IKZF1: variants seen among roughly 807,000 people sequenced by gnomAD.
IKZF1 encodes IKAROS family zinc finger 1, also known as DNA-binding protein Ikaros.
A neutral mutation model predicts 51.7 loss-of-function variants in IKZF1; 10 were observed. The ratio of observed to expected loss-of-function variants is 0.19; its 90% CI spans 0.12 to 0.33. IKZF1 has a LOEUF of 0.33. Ranked by LOEUF, IKZF1 falls within the 10% of genes least tolerant of loss-of-function variation. The probability of loss-of-function intolerance (pLI) is 1.00; values close to 1 mark genes in which losing one functional copy is unlikely to be tolerated. For synonymous variants in IKZF1, 280 were observed against 282.3 expected (o/e 0.99, Z 0.08); for missense variants, 484 against 707.5 (o/e 0.68, Z 3.58).
chr7:50,310,009 C>T (rs145741807), intron 1 of IKZF1, among the ~76,000 whole-genome samples: 14 of 152,216 alleles, frequency 9.2e-5, no homozygotes, highest in East Asian at 3.9e-4. Flanking sequence ...CTGAGTTTTG[C>T]GTAGGGCAGA....
intron 3 of IKZF1, among the ~76,000 whole-genome samples, chr7:50,363,677 C>G (rs1805943190): frequency 6.6e-6 from 1 of 152,230 alleles, no homozygotes; most frequent in African/African-American, 2.4e-5. Context: ...TGAGAAGACT[C>G]TGAGCCTCCT....
chr7:50,400,785 T>G lies in IKZF1; in HGVS notation c.*158T>G. 1 of 967,112 alleles carries G rather than the reference T, an allele frequency of 1.0e-6. No homozygotes were observed. Among genetic ancestry groups the G allele is most frequent in the Non-Finnish European group, 1.5e-6 (1 of 668,024 alleles). The allele number at this position is 967,112 out of a possible 1,614,324, so 59.9% of individuals were successfully genotyped here. A position where few individuals can be genotyped will look rare whatever the true frequency, so the allele number is the denominator to read the frequency against. ...TTTGTTTTTTGTTTGAGTTGGTTGA[T>G]TGGGGTTTGATTTGCTTTTGAAAAG... On this transcript the variant is annotated 3_prime_UTR_variant, in exon 8 of 8. Transcript: ENST00000331340. The surrounding 1 kb of genome is among the most constrained non-coding windows in gnomAD (Gnocchi z 5.4).
intron 7 of IKZF1, among the ~76,000 whole-genome samples, chr7:50,393,365 TG>T (rs1815742929): frequency 6.6e-6 from 1 of 151,562 alleles, no homozygotes; most frequent in South Asian, 2.1e-4. Flanking sequence ...GGGAGAGAGG[TG>T]GGGCCAGAAC....
chr7:50,403,716 T>C lies in IKZF1; in HGVS notation c.*3089T>C, dbSNP rs189098947. 9.1e-4 allele frequency: 209 copies of C among 228,964 alleles called. 1 individual carries two copies. Among genetic ancestry groups the C allele is most frequent in the African/African-American group, 4.2e-3 (189 of 45,156 alleles). The allele number at this position is 228,964 out of a possible 1,614,324, so 14.2% of individuals were successfully genotyped here. A position where few individuals can be genotyped will look rare whatever the true frequency, so the allele number is the denominator to read the frequency against. ...ATACCAGCATGTTCCATTTCCAATT[T>C]AGAATTAGCCACATAATAAAATCTT... On this transcript the variant is annotated 3_prime_UTR_variant, in exon 8 of 8. Coordinates refer to ENST00000331340, the MANE Select transcript of IKZF1 (RefSeq NM_006060.6).
intron 2 of IKZF1, among the ~76,000 whole-genome samples, chr7:50,323,890 A>C (rs1794113249): frequency 2.6e-5 from 4 of 152,186 alleles, no homozygotes; most frequent in Admixed American, 2.6e-4. Context: ...GGATAGACCA[A>C]AATCATGCTT....
chr7:50,378,403 A>C (rs975135144), intron 4 of IKZF1, among the ~76,000 whole-genome samples: 1 of 152,204 alleles, frequency 6.6e-6, no homozygotes, highest in Non-Finnish European at 1.5e-5. Flanking sequence ...GGAAATTAAC[A>C]TGAAGGTAGG....
intron 2 of IKZF1, among the ~76,000 whole-genome samples, chr7:50,321,345 T>C (rs1301063050): frequency 6.6e-6 from 1 of 152,246 alleles, no homozygotes; most frequent in East Asian, 1.9e-4. Context: ...AGCCTCTCAT[T>C]TGGCTTCGCC....
At chr7:50,329,394 G>A (rs1334599613) in intron 3 of IKZF1, among the ~76,000 whole-genome samples, 1 of 152,302 alleles carries the variant, frequency 6.6e-6, no homozygotes, top group African/African-American at 2.4e-5. Flanking sequence ...GTTTTCCAAA[G>A]TTGGGATGCA....
chr7:50,373,351 T>C (rs1276728421), intron 3 of IKZF1, among the ~76,000 whole-genome samples: 1 of 152,196 alleles, frequency 6.6e-6, no homozygotes, highest in Non-Finnish European at 1.5e-5. Context: ...TTCTTAATGA[T>C]CCAGAAGAAC....
chr7:50,320,236 GA>G (rs1792819213), intron 2 of IKZF1, among the ~76,000 whole-genome samples: 2 of 152,022 alleles, frequency 1.3e-5, no homozygotes, highest in South Asian at 4.2e-4. Flanking sequence ...TCATGAATGA[GA>G]ATTATATAAT....
In IKZF1 at chr7:50,327,673, G is replaced by A. The variant is rs938596544; in HGVS notation, c.76G>A (p.Glu26Lys). ...CCCCCCTGTAAGCGATACTCCAGAT[G>A]AGGGCGATGAGCCCATGCCGATCCC... ...ESPPVSDTPDEGDEPMPIPED... is the reference protein window; with the variant it reads ...ESPPVSDTPDKGDEPMPIPED... Residue 26 changes from glutamate to lysine, a missense_variant, in exon 3 of 8, where the codon GAG (glutamate) becomes AAG (lysine). Physicochemically the swap from Glu to Lys is moderately conservative, Grantham distance 56. Around this residue, in one of 6 missense-constraint regions of IKZF1, gnomAD observed 118 missense variants for 138.4 expected, o/e 0.85. Transcript: ENST00000331340. 2 of 1,613,568 alleles carry A rather than the reference G, an allele frequency of 1.2e-6. No homozygotes were observed. Among genetic ancestry groups the A allele is most frequent in the Non-Finnish European group, 1.7e-6 (2 of 1,179,744 alleles).
At chr7:50,342,882 G>T (rs1190849099) in intron 3 of IKZF1, among the ~76,000 whole-genome samples, 1 of 152,150 alleles carries the variant, frequency 6.6e-6, no homozygotes, top group African/African-American at 2.4e-5. Context: ...CTCCTGTGGC[G>T]GCTGCATTTC....
chr7:50,357,974 G>A (rs1056507794), intron 3 of IKZF1, among the ~76,000 whole-genome samples: 1 of 152,120 alleles, frequency 6.6e-6, no homozygotes, highest in Non-Finnish European at 1.5e-5. Flanking sequence ...CTGCTTCAAG[G>A]GTTAACAAAG....
At chr7:50,320,606 A>C (rs1443040384) in intron 2 of IKZF1, among the ~76,000 whole-genome samples, 1 of 152,138 alleles carries the variant, frequency 6.6e-6, no homozygotes, top group Non-Finnish European at 1.5e-5. Flanking sequence ...TCCAGCCTCT[A>C]TTAGCCTCTG....
chr7:50,367,315 C>CGTGT (rs143406270), intron 3 of IKZF1, among the ~76,000 whole-genome samples: 17 of 150,468 alleles, frequency 1.1e-4, no homozygotes, highest in Non-Finnish European at 1.6e-4. Flanking sequence ...AAAGATTGTG[C>CGTGT]GTGTGTGTGT....
intron 3 of IKZF1, among the ~76,000 whole-genome samples, chr7:50,351,437 A>T (rs572394221): frequency 1.1e-4 from 16 of 152,282 alleles, no homozygotes; most frequent in African/African-American, 3.9e-4. Flanking sequence ...TGTTTCCTCC[A>T]TATCTACTTT....
chr7:50,316,127 G>A (rs753130729), intron 1 of IKZF1, among the ~76,000 whole-genome samples: 4 of 152,190 alleles, frequency 2.6e-5, no homozygotes, highest in Admixed American at 6.5e-5. Flanking sequence ...CAAGTTTGGA[G>A]TTTGGGGAAG....
intron 1 of IKZF1, among the ~76,000 whole-genome samples, chr7:50,309,454 T>A (rs2153330877): frequency 6.6e-6 from 1 of 152,288 alleles, no homozygotes; most frequent in East Asian, 1.9e-4. Flanking sequence ...TTCCTGTCCT[T>A]CCCTTCCCTT....
chr7:50,384,680 G>T (rs1812862229), intron 5 of IKZF1, among the ~76,000 whole-genome samples: 1 of 152,256 alleles, frequency 6.6e-6, no homozygotes, highest in Non-Finnish European at 1.5e-5. Context: ...GCCCATGGAG[G>T]CCTCAGCTAA....
Sources: allele counts gnomAD v4.1 joint callset (sites outside exome capture counted in the v4.1 genomes callset), GRCh38; gene constraint gnomAD v4.1.1; regional missense constraint gnomAD v4.1.1; non-coding constraint Gnocchi (gnomAD v3.1); transcripts MANE v1.5; gene names NCBI Gene and HGNC (gene_info 2026-07-23, HGNC 2026-07-21).